The following CSMD2 variants were observed in gnomAD, a reference collection of about 807,000 sequenced individuals.
CSMD2 encodes the protein CUB and sushi domain-containing protein 2.
Under a neutral mutation model 398.5 loss-of-function variants are expected in CSMD2, and 130 were observed. The observed-to-expected ratio is 0.33, with a 90% confidence interval of 0.28 to 0.38. CSMD2 has a LOEUF of 0.38. Among genes scored for constraint, CSMD2 ranks in the 10% least tolerant of loss-of-function variants. The pLI, the probability that CSMD2 is intolerant of heterozygous loss-of-function variation, is 1.00. For synonymous variants in CSMD2, 1,828 were observed against 1,908.5 expected (o/e 0.96, Z 1.10); for missense variants, 3,829 against 4,764.9 (o/e 0.80, Z 5.78).
chr1:34,062,138 A>T (rs1222904861), intron 2 of CSMD2, among the ~76,000 whole-genome samples: 3 of 152,190 alleles, frequency 2.0e-5, no homozygotes, highest in African/African-American at 4.8e-5. Context: ...GAACTTGGTG[A>T]ATATAAAATC....
intron 44 of CSMD2, chr1:33,600,511 G>C: frequency 4.0e-6 from 2 of 502,494 alleles, no homozygotes; most frequent in Non-Finnish European, 7.0e-6. Context: ...GATCCCTTTG[G>C]AGAAGGAGAA....
intron 12 of CSMD2, among the ~76,000 whole-genome samples, chr1:33,780,411 CT>C (rs937166300): frequency 3.9e-5 from 6 of 152,178 alleles, no homozygotes; most frequent in African/African-American, 1.4e-4. Flanking sequence ...ATGTGTTTTT[CT>C]GCACACGATT....
intron 1 of CSMD2, among the ~76,000 whole-genome samples, chr1:34,146,951 T>C (rs377757753): frequency 6.6e-6 from 1 of 152,062 alleles, no homozygotes; most frequent in African/African-American, 2.4e-5. Context: ...ATGAAAGCCA[T>C]AGGAGCGAAT....
intron 1 of CSMD2, among the ~76,000 whole-genome samples, chr1:34,107,625 T>C (rs1571144886): frequency 6.6e-6 from 1 of 152,108 alleles, no homozygotes; most frequent in Non-Finnish European, 1.5e-5. Flanking sequence ...AGATGATGGA[T>C]GGATAGGTGG....
At chr1:33,654,531 T>C (rs1643892263) in intron 27 of CSMD2, among the ~76,000 whole-genome samples, 1 of 152,228 alleles carries the variant, frequency 6.6e-6, no homozygotes, top group Non-Finnish European at 1.5e-5. Context: ...GGTCTGCTTA[T>C]GTCTCACTTG....
chr1:33,877,981 A>G (rs990140608), intron 5 of CSMD2, among the ~76,000 whole-genome samples: 5 of 152,044 alleles, frequency 3.3e-5, no homozygotes, highest in Non-Finnish European at 7.3e-5. Flanking sequence ...CTCTCTCTTG[A>G]TAGTTTGAAT....
chr1:33,589,432 A>G (rs190738867), intron 44 of CSMD2, among the ~76,000 whole-genome samples: 11 of 152,346 alleles, frequency 7.2e-5, no homozygotes, highest in African/African-American at 2.2e-4. Context: ...CCACTGGGAG[A>G]GATAGTCGTC....
intron 64 of CSMD2, among the ~76,000 whole-genome samples, chr1:33,530,157 G>A (rs2641950): frequency 0.61 from 92,858 of 152,056 alleles, 28,678 homozygotes; most frequent in East Asian, 0.72. Flanking sequence ...GAGGCAACCT[G>A]TGGAATGGGA....
intron 21 of CSMD2, among the ~76,000 whole-genome samples, chr1:33,711,875 C>G (rs1327330902): frequency 6.6e-6 from 1 of 152,172 alleles, no homozygotes; most frequent in African/African-American, 2.4e-5. Context: ...TGGCCAATCC[C>G]CAGGTCCTGA....
intron 32 of CSMD2, among the ~76,000 whole-genome samples, chr1:33,632,447 T>G (rs1642519300): frequency 1.3e-5 from 2 of 151,902 alleles, no homozygotes. Context: ...TGTAGAAAAA[T>G]CGACACAAAT....
At chr1:34,020,077 A>T (rs1188988367) in intron 3 of CSMD2, among the ~76,000 whole-genome samples, 1 of 152,182 alleles carries the variant, frequency 6.6e-6, no homozygotes, top group African/African-American at 2.4e-5. Flanking sequence ...CAGTCATAGC[A>T]TATGTCAGGA....
intron 3 of CSMD2, among the ~76,000 whole-genome samples, chr1:33,973,645 G>C (rs897767828): frequency 6.6e-6 from 1 of 152,176 alleles, no homozygotes; most frequent in Non-Finnish European, 1.5e-5. Context: ...AAATGCACTT[G>C]AGGGTAGAAG....
chr1:34,059,736 G>A (rs1266905390), intron 2 of CSMD2, among the ~76,000 whole-genome samples: 1 of 152,144 alleles, frequency 6.6e-6, no homozygotes, highest in African/African-American at 2.4e-5. Context: ...ATGAATGAAT[G>A]AATGAACGAA....
chr1:34,027,073 A>C (rs1649742955), intron 3 of CSMD2, among the ~76,000 whole-genome samples: 1 of 152,242 alleles, frequency 6.6e-6, no homozygotes, highest in African/African-American at 2.4e-5. Context: ...GGAAAAATTA[A>C]AAAATTAAAA....
chr1:33,607,905 G>A (rs1640731476), intron 41 of CSMD2, among the ~76,000 whole-genome samples: 1 of 152,210 alleles, frequency 6.6e-6, no homozygotes, highest in Non-Finnish European at 1.5e-5. Context: ...TCCTGGTGGA[G>A]GAGCTGGGTG....
At chr1:33,950,387 G>GAGAGAA in intron 3 of CSMD2, among the ~76,000 whole-genome samples, 1 of 56,912 alleles carries the variant, frequency 1.8e-5, no homozygotes, top group East Asian at 3.6e-4. Flanking sequence ...CTCCAGCAGA[G>GAGAGAA]AGAGAGAGAG....
chr1:33,600,556 C>A, intron 44 of CSMD2: 1 of 514,794 alleles, frequency 1.9e-6, no homozygotes, highest in South Asian at 2.7e-5. Context: ...AGCTGGGGCA[C>A]AGGTATAGGG....
At chr1:33,566,009 G>A (rs1050564248) in intron 53 of CSMD2, among the ~76,000 whole-genome samples, 1 of 151,694 alleles carries the variant, frequency 6.6e-6, no homozygotes, top group Non-Finnish European at 1.5e-5. Context: ...GAATTAAAAT[G>A]AGATAAAGAG....
chr1:33,547,238 G>A (rs12135471), intron 56 of CSMD2, among the ~76,000 whole-genome samples: 24,857 of 152,104 alleles, frequency 0.16, 2,525 homozygotes, highest in East Asian at 0.34. Flanking sequence ...GAGCGAAGAA[G>A]GGTAGAGAAC....
Sources: allele counts gnomAD v4.1 joint callset (sites outside exome capture counted in the v4.1 genomes callset), GRCh38; gene constraint gnomAD v4.1.1; transcripts MANE v1.5; gene names NCBI Gene and HGNC (gene_info 2026-07-23, HGNC 2026-07-21).